COL11A1: variants seen among roughly 807,000 people sequenced by gnomAD.
COL11A1 encodes the protein collagen type XI alpha 1 chain.
Under a neutral mutation model 265.2 loss-of-function variants are expected in COL11A1, and 74 were observed. The ratio of observed to expected loss-of-function variants is 0.28; its 90% confidence interval spans 0.23 to 0.34. The LOEUF is 0.34. Ranked by LOEUF, COL11A1 falls within the 10% of genes least tolerant of loss-of-function variation. COL11A1 has a pLI of 1.00. For missense variants in COL11A1, 2,165 were observed against 2,263.6 expected, an observed-to-expected ratio of 0.96 and a Z score of 0.88; for synonymous variants, 816 against 727.6, an observed-to-expected ratio of 1.12 and a Z score of -1.96.
intron 11 of COL11A1, among the ~76,000 whole-genome samples, chr1:103,017,135 A>G (rs979401137): frequency 2.0e-5 from 3 of 152,098 alleles, no homozygotes; most frequent in Non-Finnish European, 2.9e-5. Flanking sequence ...AAAAAGTTTC[A>G]TAATGTTTGC....
At chr1:103,071,113 T>C (rs1293311426) in intron 4 of COL11A1, among the ~76,000 whole-genome samples, 1 of 151,970 alleles carries the variant, frequency 6.6e-6, no homozygotes, top group Non-Finnish European at 1.5e-5. Flanking sequence ...AAAATGTCCA[T>C]CACAAAGCTT....
rs554784044 is a variant in COL11A1, at chr1:103,097,344, C to G, written c.106+10729G>C. Among the ~76,000 whole-genome samples the G allele has an allele frequency of 9.9e-5, 15 of 152,032 alleles. No individual in the cohort carries two copies. In the South Asian group the frequency reaches 3.1e-3, roughly 31 times the overall value. ...CAGACATACTGCCATTTTTCAAGTC[C>G]TTTCTTCAAGTCCCTTATGGTGTCA... On this transcript the variant is annotated intron_variant, in intron 1 of 66. Coordinates refer to ENST00000370096, the MANE Select transcript of COL11A1 (RefSeq NM_001854.4).
At chr1:102,982,776 C>T (rs1369557828) in intron 31 of COL11A1, among the ~76,000 whole-genome samples, 2 of 151,934 alleles carry the variant, frequency 1.3e-5, no homozygotes, top group Non-Finnish European at 2.9e-5. Context: ...AGTGTTATCA[C>T]GTGGCAATGA....
At chr1:103,058,505 C>T (rs930793609) in intron 4 of COL11A1, among the ~76,000 whole-genome samples, 5 of 152,190 alleles carry the variant, frequency 3.3e-5, no homozygotes, top group African/African-American at 1.2e-4. Flanking sequence ...TGGCCTTTGG[C>T]TTATCTCAGC....
intron 23 of COL11A1, 85 bp from the exon 24 acceptor site, chr1:103,002,054 G>A: frequency 1.8e-6 from 2 of 1,106,030 alleles, no homozygotes; most frequent in Non-Finnish European, 2.8e-6. Context: ...GCTCACTATA[G>A]TACACAGTGA....
chr1:102,883,461 G>A (rs991983883), intron 63 of COL11A1, 150 bp from the exon 64 acceptor site: 1 of 652,328 alleles, frequency 1.5e-6, no homozygotes, highest in Non-Finnish European at 2.8e-6. Flanking sequence ...TTGGGGTACG[G>A]TTTTTAATAA....
At chr1:103,041,124 T>C (rs916342111) in intron 4 of COL11A1, among the ~76,000 whole-genome samples, 6 of 151,972 alleles carry the variant, frequency 3.9e-5, no homozygotes, top group Admixed American at 1.3e-4. Context: ...TTGCATTAGG[T>C]AGTACTTTCA....
At position 103,082,861 on chromosome 1, in the gene COL11A1, G is replaced by A. The variant is rs1672522063; in HGVS notation, c.218C>T (p.Ala73Val). 1.2e-6 allele frequency: 2 copies of A among 1,613,690 alleles called. No individual in the cohort carries two copies. Among genetic ancestry groups the A allele is most frequent in the African/African-American group, 2.7e-5 (2 of 75,020 alleles). ...TTGTGCTTGCTTTGAAACTCTGTAA[G>A]CAGTATCTGAGCCTTTAGAATTCTT... ...NRKNSKGSDTAYRVSKQAQLS... is the reference protein window; with the variant it reads ...NRKNSKGSDTVYRVSKQAQLS... The change falls in exon 2 of 67, where the codon GCT becomes GTT. Residue 73 changes from alanine to valine, a missense_variant. Ala to Val is a moderately conservative substitution (Grantham distance 64). Transcript: ENST00000370096.
At chr1:103,018,945 T>C (rs913051104) in intron 9 of COL11A1, 86 bp from the exon 10 acceptor site, 12 of 1,025,714 alleles carry the variant, frequency 1.2e-5, no homozygotes, top group Admixed American at 3.9e-5. Flanking sequence ...CACTATATCA[T>C]TGCATATTAA....
chr1:103,031,849 T>G (rs1422306852), intron 4 of COL11A1, among the ~76,000 whole-genome samples: 1 of 148,102 alleles, frequency 6.8e-6, no homozygotes, highest in East Asian at 1.9e-4. Flanking sequence ...GCATTTATAT[T>G]AAGAAAAAAA....
At chr1:103,090,047 C>T (rs999858758) in intron 1 of COL11A1, among the ~76,000 whole-genome samples, 2 of 152,042 alleles carry the variant, frequency 1.3e-5, no homozygotes, top group African/African-American at 4.8e-5. Flanking sequence ...TCTCTTGAAC[C>T]TTGGAGGCAG....
At position 103,065,537 on chromosome 1, in the gene COL11A1, A is replaced by AAG. The variant is rs1250049172; in HGVS notation, c.651+9080_651+9081insCT. 4.8e-5 allele frequency among the ~76,000 whole-genome samples: 6 copies of AAG among 125,122 alleles called. No homozygotes were observed. The South Asian group carries it at 1.6e-3, about 34-fold the overall frequency. 82.1% of individuals were successfully genotyped at this position (125,122 alleles called of 152,430 possible). On this transcript the variant is annotated intron_variant, in intron 4 of 66. Transcript: ENST00000370096. ...GACTCCGTCTCAAAAAAAAAAAAAAAAAAAAAAAAAGAAAGCAAACAAACA... is the reference window on the plus strand; with the variant it reads ...GACTCCGTCTCAAAAAAAAAAAAAAAAGAAAAAAAAAAGAAAGCAAACAAACA...
intron 43 of COL11A1, 54 bp from the exon 44 acceptor site, chr1:102,939,142 C>G: frequency 7.0e-7 from 1 of 1,429,906 alleles, no homozygotes; most frequent in Non-Finnish European, 9.9e-7. Flanking sequence ...ATTGCATTGT[C>G]TTAATTATCA....
chr1:102,988,062 G>A (rs34090601), intron 29 of COL11A1, among the ~76,000 whole-genome samples: 3,677 of 152,106 alleles, frequency 0.024, 61 homozygotes, highest in Middle Eastern at 0.092. Flanking sequence ...CCATTGTTCC[G>A]AAAGTTACAA....
chr1:103,034,889 C>T lies in COL11A1; in HGVS notation c.652-3645G>A, dbSNP rs76812138. Among the ~76,000 whole-genome samples the T allele has an allele frequency of 9.3e-3, 1,407 of 152,102 alleles. 48 individuals are homozygous for T. Among genetic ancestry groups the T allele is most frequent in the Admixed American group, 0.067 (1,014 of 15,232 alleles). On this transcript the variant is annotated intron_variant, in intron 4 of 66. Coordinates refer to ENST00000370096, the MANE Select transcript of COL11A1 (RefSeq NM_001854.4). Reference sequence around the variant, plus strand: ...TTATTTTTCTTTGTAGTTGTTGGTGCTTGTTCATTTAGTGATTTCCTTGAA... The same window carrying T: ...TTATTTTTCTTTGTAGTTGTTGGTGTTTGTTCATTTAGTGATTTCCTTGAA...
At position 102,998,360 on chromosome 1, in the gene COL11A1, G is replaced by A; in HGVS notation, c.2146C>T (p.Pro716Ser). The stretch of plus-strand genomic sequence containing the variant: ...CCAGCAAGTCCTGGTTTTCCTTGTG[G>A]TCCCTTATAGAGAAAAAAAAAATAT... Reference protein sequence around the residue: ...GPIGPPGEKGPQGKPGLAGLP... With the variant: ...GPIGPPGEKGSQGKPGLAGLP... Residue 716 changes from proline to serine, a missense_variant, in exon 25 of 67, where the codon CCA becomes TCA. Physicochemically the swap from Pro to Ser is moderately conservative, Grantham distance 74. Transcript: ENST00000370096. 6.3e-7 allele frequency: 1 copy of A among 1,591,500 alleles called. No individual in the cohort carries two copies. The highest frequency in any genetic ancestry group is 1.2e-5 in the South Asian group (1 of 86,952).
chr1:103,021,844 T>A (rs1021590951), intron 8 of COL11A1, 75 bp from the exon 9 acceptor site: 1 of 1,171,872 alleles, frequency 8.5e-7, no homozygotes, highest in Non-Finnish European at 1.3e-6. Context: ...TCTTCTTTTT[T>A]TTTTTCTTTC....
chr1:103,026,252 T>G lies in COL11A1; in HGVS notation c.861A>C (p.Gly287=). The part of the protein sequence containing the change: ...EYKEAESVTE[G]PTVTEETIAQ... ...CTATTGTCTCCTCAGTTACAGTGGG[T>G]CCCTCTGTTACACTTTCAGCCTCTT... The change falls in exon 6 of 67, where the codon GGA becomes GGC. Residue 287 remains glycine, a synonymous_variant. Coordinates refer to ENST00000370096, the MANE Select transcript of COL11A1 (RefSeq NM_001854.4). 1.2e-6 allele frequency: 2 copies of G among 1,613,154 alleles called. No homozygotes were observed. The highest frequency in any genetic ancestry group is 1.7e-6 in the Non-Finnish European group (2 of 1,179,100).
chr1:103,062,224 G>T (rs1268686410), intron 4 of COL11A1, among the ~76,000 whole-genome samples: 1 of 151,844 alleles, frequency 6.6e-6, no homozygotes, highest in Non-Finnish European at 1.5e-5. Context: ...GAACAAGATG[G>T]GTTCACTGTT....
Sources: gnomAD v4.1 joint callset for allele counts (sites outside exome capture counted in the v4.1 genomes callset) on GRCh38, gnomAD v4.1.1 for gene constraint, MANE v1.5 for transcripts, NCBI Gene and HGNC (gene_info 2026-07-23, HGNC 2026-07-21) for gene names.